Variants in RGS9 observed in about 807,000 individuals in gnomAD.
RGS9 encodes regulator of G protein signaling 9.
In RGS9, 78 loss-of-function variants were observed where a neutral mutation model predicts 102.0. The observed-to-expected ratio is 0.76, with a 90% CI of 0.64 to 0.92. The LOEUF (loss-of-function observed/expected upper bound fraction) is 0.92. RGS9 is among the 40% of genes least tolerant of loss of function. The probability of loss-of-function intolerance (pLI) is 0.00; values close to 1 mark genes in which losing one functional copy is unlikely to be tolerated. For synonymous variants in RGS9, 353 were observed against 318.6 expected, an observed-to-expected ratio of 1.11 and a Z score of -1.15; for missense variants, 833 against 866.1, an observed-to-expected ratio of 0.96 and a Z score of 0.48.
chr17:65,139,761 C>T (rs1196288796), intron 1 of RGS9, among the ~76,000 whole-genome samples: 1 of 152,230 alleles, frequency 6.6e-6, no homozygotes, highest in Non-Finnish European at 1.5e-5. Context: ...TTTCCCTAGA[C>T]CTTGTGCTGG....
At chr17:65,176,891 C>G (rs1016735766) in intron 8 of RGS9, among the ~76,000 whole-genome samples, 2 of 151,894 alleles carry the variant, frequency 1.3e-5, no homozygotes, top group African/African-American at 4.8e-5. Context: ...TCTGTCCATC[C>G]ATCCATCCAT....
intron 17 of RGS9, among the ~76,000 whole-genome samples, chr17:65,212,325 C>G (rs897307949): frequency 4.9e-5 from 7 of 144,018 alleles, no homozygotes; most frequent in Admixed American, 4.7e-4. Context: ...TTGTAATTAA[C>G]AACACAAATG....
At chr17:65,223,752 CT>C (rs528795738) in intron 17 of RGS9, among the ~76,000 whole-genome samples, 13,356 of 137,334 alleles carry the variant, frequency 0.097, 1,870 homozygotes, top group African/African-American at 0.32. Context: ...TCATGCCAGG[CT>C]TTTTTTTTTT....
At chr17:65,165,162 A>G (rs929664812) in intron 7 of RGS9, among the ~76,000 whole-genome samples, 1 of 152,086 alleles carries the variant, frequency 6.6e-6, no homozygotes, top group Admixed American at 6.6e-5. Flanking sequence ...AGCAACCCAC[A>G]GGACTATGAA....
chr17:65,184,743 TTTTCCTTTCC>T (rs375940429), intron 9 of RGS9, among the ~76,000 whole-genome samples: 3 of 151,842 alleles, frequency 2.0e-5, no homozygotes, highest in African/African-American at 7.3e-5. Flanking sequence ...TTCTTTTTTC[TTTTCCTTTCC>T]TTTCCTTTCC....
At chr17:65,142,368 G>A (rs1010953705) in intron 1 of RGS9, among the ~76,000 whole-genome samples, 4 of 152,160 alleles carry the variant, frequency 2.6e-5, no homozygotes, top group Admixed American at 6.5e-5. Flanking sequence ...GCTGTTTGAC[G>A]TTTTAAAATC....
intron 15 of RGS9, among the ~76,000 whole-genome samples, chr17:65,206,445 T>C (rs1913066190): frequency 6.6e-6 from 1 of 152,174 alleles, no homozygotes; most frequent in South Asian, 2.1e-4. Context: ...TTTGGAAGGC[T>C]GAGGTGGGCA....
chr17:65,138,233 T>C (rs138664599), intron 1 of RGS9, among the ~76,000 whole-genome samples: 1 of 152,312 alleles, frequency 6.6e-6, no homozygotes, highest in Non-Finnish European at 1.5e-5. Flanking sequence ...GGTGATGTGT[T>C]TGGGGACAAA....
intron 11 of RGS9, among the ~76,000 whole-genome samples, chr17:65,193,108 A>AC (rs1259500235): frequency 1.4e-5 from 2 of 146,470 alleles, no homozygotes; most frequent in African/African-American, 2.5e-5. Context: ...CAAAAATACA[A>AC]AAAAAAAAAA....
At chr17:65,155,479 T>C (rs1038613132) in intron 2 of RGS9, among the ~76,000 whole-genome samples, 1 of 152,226 alleles carries the variant, frequency 6.6e-6, no homozygotes, top group African/African-American at 2.4e-5. Flanking sequence ...CCTTCAGGTG[T>C]CTTTTCTAGC....
At chr17:65,181,416 C>T (rs1176756878) in intron 9 of RGS9, among the ~76,000 whole-genome samples, 2 of 152,194 alleles carry the variant, frequency 1.3e-5, no homozygotes, top group East Asian at 1.9e-4. Flanking sequence ...TATCTGTTTT[C>T]CCCAAATAGA....
chr17:65,140,271 G>C (rs751551482), intron 1 of RGS9, among the ~76,000 whole-genome samples: 2 of 152,172 alleles, frequency 1.3e-5, no homozygotes, highest in Non-Finnish European at 2.9e-5. Context: ...GGGAAAGCCT[G>C]GCTCAGTGTG....
intron 1 of RGS9, among the ~76,000 whole-genome samples, chr17:65,151,343 CAAAA>C (rs770022633): frequency 1.0e-5 from 1 of 95,966 alleles, no homozygotes. Context: ...AGACCTGTCC[CAAAA>C]AAAAAAAAAA....
intron 17 of RGS9, 60 bp downstream of exon 17, chr17:65,210,665 CTG>C: frequency 6.2e-7 from 1 of 1,605,470 alleles, no homozygotes; most frequent in African/African-American, 1.3e-5. Flanking sequence ...CTAAATAAAT[CTG>C]TGATTCCTGG....
rs369371867 is a variant in RGS9 at position 65,199,321 on chromosome 17, C to T, written c.976+2080C>T. Among the ~76,000 whole-genome samples the T allele has an allele frequency of 5.9e-5, 9 of 152,042 alleles. No individual in the cohort carries two copies. The South Asian group carries it at 1.7e-3, about 28-fold the overall frequency. On this transcript the variant is annotated intron_variant, in intron 13 of 18. Transcript: ENST00000262406. ...ATCTTCTATTCCTGCTTCTCCTGCA[C>T]CCCAGCCCTAGGCAACCACAAATCT... is the stretch of plus-strand genomic sequence containing the variant.
At chr17:65,197,286 GA>G in intron 13 of RGS9, 45 bp downstream of exon 13, 1 of 1,272,424 alleles carries the variant, frequency 7.9e-7, no homozygotes, top group Non-Finnish European at 1.1e-6. Context: ...CTTACTTTTA[GA>G]AAGAGTCCTT....
chr17:65,208,547 T>C (rs2144105611), intron 16 of RGS9, among the ~76,000 whole-genome samples: 1 of 152,296 alleles, frequency 6.6e-6, no homozygotes, highest in South Asian at 2.1e-4. Flanking sequence ...GATCATCTCA[T>C]CTGGTAGAGC....
At chr17:65,150,550 A>G (rs978940785) in intron 1 of RGS9, among the ~76,000 whole-genome samples, 1 of 152,142 alleles carries the variant, frequency 6.6e-6, no homozygotes, top group Non-Finnish European at 1.5e-5. Context: ...TGAACTCGGG[A>G]GGCGGAGATT....
chr17:65,201,518 G>A (rs1011804847), intron 13 of RGS9, among the ~76,000 whole-genome samples: 4 of 152,214 alleles, frequency 2.6e-5, no homozygotes, highest in African/African-American at 9.6e-5. Flanking sequence ...AGGAGGTCTT[G>A]ATGTAGAAAA....
Sources: allele counts gnomAD v4.1 joint callset (sites outside exome capture counted in the v4.1 genomes callset), GRCh38; gene constraint gnomAD v4.1.1; transcripts MANE v1.5; gene names NCBI Gene and HGNC (gene_info 2026-07-23, HGNC 2026-07-21).